Variants in SAMD7 observed in about 807,000 individuals in gnomAD.
SAMD7 encodes the protein sterile alpha motif domain-containing protein 7.
Under a neutral mutation model 36.7 loss-of-function variants are expected in SAMD7, and 34 were observed. The ratio of observed to expected loss-of-function variants is 0.93; its 90% CI spans 0.71 to 1.23. The LOEUF (loss-of-function observed/expected upper bound fraction) is 1.23, where lower values mean the gene tolerates loss of function less well. Among genes scored for constraint, SAMD7 ranks in the 50% most tolerant of loss-of-function variants. SAMD7 has a pLI of 0.00. For missense variants in SAMD7, 570 were observed against 546.6 expected (o/e 1.04, Z -0.43); for synonymous variants, 188 against 189.7 (o/e 0.99, Z 0.07).
intron 7 of SAMD7, chr3:169,933,316 T>C (rs902594753): frequency 5.4e-6 from 2 of 368,854 alleles, no homozygotes; most frequent in African/African-American, 4.2e-5. Context: ...ATGAAATGGA[T>C]TGGAAATGGC....
intron 7 of SAMD7, 23 bp downstream of exon 7, chr3:169,928,601 C>T (rs1713367570): frequency 6.2e-7 from 1 of 1,607,282 alleles, no homozygotes; most frequent in African/African-American, 1.3e-5. Flanking sequence ...TTAAGTATTT[C>T]CATACAAGAA....
chr3:169,915,700 C>A (rs1289734075), intron 2 of SAMD7, among the ~76,000 whole-genome samples: 2 of 150,398 alleles, frequency 1.3e-5, no homozygotes, highest in Non-Finnish European at 3.0e-5. Flanking sequence ...TTCTCCTGCC[C>A]CAGCCTCCTG....
Position 169,936,326 on chromosome 3 carries a change from TG to T in SAMD7, c.1042-12del. The T allele has an allele frequency of 1.3e-6, 2 of 1,486,222 alleles. No individual in the cohort carries two copies. The highest frequency in any genetic ancestry group is 1.9e-6 in the Non-Finnish European group (2 of 1,065,878). 92.1% of individuals were successfully genotyped at this position (1,486,222 alleles called of 1,614,324 possible). On this transcript the variant is annotated splice_polypyrimidine_tract_variant and intron_variant, in intron 7 of 8. Coordinates refer to ENST00000335556, the MANE Select transcript of SAMD7 (RefSeq NM_001304366.2). ...ACATTCAGACAGAGTTAACACCTTT[TG>T]TATTTATGAAGGTATTTAAAGATCA...
chr3:169,921,178 T>A, intron 3 of SAMD7, 36 bp from the exon 4 acceptor site: 1 of 1,602,238 alleles, frequency 6.2e-7, no homozygotes, highest in Non-Finnish European at 8.6e-7. Context: ...TCCAACCTCA[T>A]TTTACCTATT....
At chr3:169,928,258 C>G (rs952819983) in intron 6 of SAMD7, among the ~76,000 whole-genome samples, 199 bp from the exon 7 acceptor site, 1 of 152,150 alleles carries the variant, frequency 6.6e-6, no homozygotes, top group Non-Finnish European at 1.5e-5. Context: ...ACAATAAATG[C>G]TATCAGTAAA....
chr3:169,927,266 C>CCTGCCT (rs1468331498), intron 6 of SAMD7, 85 bp downstream of exon 6: 9 of 756,682 alleles, frequency 1.2e-5, no homozygotes, highest in Non-Finnish European at 4.0e-6. Context: ...CTGTAACCAT[C>CCTGCCT]CTGCCTCTTT....
chr3:169,932,884 T>C, intron 7 of SAMD7: 1 of 630,262 alleles, frequency 1.6e-6, no homozygotes, highest in East Asian at 3.3e-5. Context: ...GCCATTACTA[T>C]AAGAACTTTC....
chr3:169,917,228 T>C (rs909164232), intron 2 of SAMD7, among the ~76,000 whole-genome samples: 1 of 152,238 alleles, frequency 6.6e-6, no homozygotes. Flanking sequence ...AATACCATTA[T>C]ATTTTTAGTA....
At position 169,916,461 on chromosome 3, in the gene SAMD7, C is replaced by T. The variant is rs149739833; in HGVS notation, c.-42+1020C>T. On this transcript the variant is annotated intron_variant, in intron 2 of 8. Transcript: ENST00000335556. ...AGGAGTTTGAGACCAGCCTGGCCAA[C>T]ATGGCGAAACCCTGTTTCTACTAAA... 1.3e-3 allele frequency among the ~76,000 whole-genome samples: 200 copies of T among 152,272 alleles called. 1 individual carries two copies. The highest frequency in any genetic ancestry group is 4.7e-3 in the African/African-American group (194 of 41,552).
intron 1 of SAMD7, 67 bp downstream of exon 1, chr3:169,911,888 C>T (rs913801911): frequency 6.6e-6 from 1 of 152,132 alleles, no homozygotes; most frequent in East Asian, 1.9e-4. Context: ...TAAAATGTTT[C>T]ACATATAAAA....
chr3:169,925,889 A>G (rs1199548119), intron 5 of SAMD7, among the ~76,000 whole-genome samples: 1 of 152,196 alleles, frequency 6.6e-6, no homozygotes, highest in East Asian at 1.9e-4. Flanking sequence ...ATAGGAGCCA[A>G]GTTTGCCTAC....
chr3:169,928,626 A>C, intron 7 of SAMD7, 48 bp downstream of exon 7: 1 of 1,587,936 alleles, frequency 6.3e-7, no homozygotes, highest in South Asian at 1.1e-5. Context: ...AGTTTGAAAT[A>C]TCTTTCCTGC....
At chr3:169,938,248 T>A (rs1713791655) in intron 8 of SAMD7, 70 bp from the exon 9 acceptor site, 10 of 958,366 alleles carry the variant, frequency 1.0e-5, no homozygotes, top group Non-Finnish European at 1.6e-5. Context: ...CTCTCTGTGA[T>A]GTGTGTTTAA....
At chr3:169,921,108 T>C (rs1028589407) in intron 3 of SAMD7, 106 bp from the exon 4 acceptor site, 1 of 978,474 alleles carries the variant, frequency 1.0e-6, no homozygotes, top group Admixed American at 2.0e-5. Context: ...TGAGAAGAGA[T>C]GATAGAATCC....
chr3:169,926,382 A>G, intron 5 of SAMD7, 171 bp from the exon 6 acceptor site: 1 of 1,180,762 alleles, frequency 8.5e-7, no homozygotes, highest in Non-Finnish European at 1.1e-6. Context: ...ACAAAGCTTC[A>G]GATCTTACTC....
chr3:169,920,269 C>T (rs758194272), intron 3 of SAMD7, among the ~76,000 whole-genome samples: 1 of 152,170 alleles, frequency 6.6e-6, no homozygotes, highest in Non-Finnish European at 1.5e-5. Flanking sequence ...AGCTGGGAGT[C>T]CAAGATCAAG....
At chr3:169,913,032 G>T (rs1272551638) in intron 1 of SAMD7, among the ~76,000 whole-genome samples, 1 of 152,134 alleles carries the variant, frequency 6.6e-6, no homozygotes, top group Non-Finnish European at 1.5e-5. Context: ...AGAAGGCCAA[G>T]AAAACTCGCA....
At chr3:169,917,617 ATTTG>A (rs1220664724) in intron 2 of SAMD7, among the ~76,000 whole-genome samples, 2,362 of 127,996 alleles carry the variant, frequency 0.018, 66 homozygotes, top group African/African-American at 0.065. Context: ...TTTTATTTTT[ATTTG>A]TTTGTTTATT....
chr3:169,934,398 C>T (rs6790443), intron 7 of SAMD7, among the ~76,000 whole-genome samples: 14,559 of 151,966 alleles, frequency 0.096, 812 homozygotes, highest in East Asian at 0.16. Flanking sequence ...TCCTCCCTTC[C>T]GGAACACCAC....
Sources: gnomAD v4.1 joint callset for allele counts (sites outside exome capture counted in the v4.1 genomes callset) on GRCh38, gnomAD v4.1.1 for gene constraint, MANE v1.5 for transcripts, NCBI Gene and HGNC (gene_info 2026-07-23, HGNC 2026-07-21) for gene names.